Variants in GUCA2B observed in about 807,000 individuals in gnomAD.
GUCA2B encodes guanylate cyclase activator 2B.
In GUCA2B, 7 loss-of-function variants were observed where a neutral mutation model predicts 11.1. The observed-to-expected ratio is 0.63, with a 90% CI of 0.36 to 1.18. The LOEUF is 1.18. GUCA2B is among the 50% of genes most tolerant of loss of function. The pLI is 0.02. For synonymous variants in GUCA2B, 69 were observed against 65.3 expected, an observed-to-expected ratio of 1.06 and a Z score of -0.27; for missense variants, 140 against 142.5, an observed-to-expected ratio of 0.98 and a Z score of 0.09.
intron 1 of GUCA2B, 100 bp downstream of exon 1, chr1:42,153,640 C>G: frequency 1.2e-6 from 1 of 864,466 alleles, no homozygotes; most frequent in South Asian, 1.6e-5. Flanking sequence ...ACCGGGGGAG[C>G]ACGGGGCCCG....
Position 42,154,798 on chromosome 1 carries a change from C to G in GUCA2B, c.209C>G (p.Pro70Arg), listed in dbSNP as rs1171726136. The G allele has an allele frequency of 3.1e-6, 5 of 1,614,148 alleles. No homozygotes were observed. Among genetic ancestry groups the G allele is most frequent in the South Asian group, 2.2e-5 (2 of 91,066 alleles). The change falls in exon 2 of 3, where the codon CCT becomes CGT. Residue 70 changes from proline to arginine, a missense_variant. By Grantham distance (103) the Pro-to-Arg change is moderately radical (BLOSUM62 -2). Transcript: ENST00000372581. ...QSLLPAVCHH[P>R]ALPQDLQPVC... ...CTCCTGCCCGCCGTGTGCCACCACCCTGCTCTGCCTCAGGACCTTCAGCCT... is the reference window on the plus strand; with the variant it reads ...CTCCTGCCCGCCGTGTGCCACCACCGTGCTCTGCCTCAGGACCTTCAGCCT...
At chr1:42,153,641 A>C (rs1298277917) in intron 1 of GUCA2B, 101 bp downstream of exon 1, 2 of 850,166 alleles carry the variant, frequency 2.4e-6, no homozygotes, top group Non-Finnish European at 3.7e-6. Context: ...CCGGGGGAGC[A>C]CGGGGCCCGG....
chr1:42,154,112 C>T (rs894293544), intron 1 of GUCA2B, among the ~76,000 whole-genome samples: 1 of 152,198 alleles, frequency 6.6e-6, no homozygotes, highest in African/African-American at 2.4e-5. Flanking sequence ...CACAGCAGGG[C>T]CTGTCTGCCA....
chr1:42,155,809 G>C lies in GUCA2B; in HGVS notation c.*213G>C, dbSNP rs1646106945. ...TGAGGCAGCCCAGCTCCTGAATAAA[G>C]ATTCTACAACACACGAGTCCACGTG... On this transcript the variant is annotated 3_prime_UTR_variant, in exon 3 of 3. Coordinates refer to ENST00000372581, the MANE Select transcript of GUCA2B (RefSeq NM_007102.3). The C allele has an allele frequency of 1.6e-6, 1 of 609,708 alleles. No individual in the cohort carries two copies. The allele number at this position is 609,708 out of a possible 1,614,324, so 37.8% of individuals were successfully genotyped here.
At position 42,154,424 on chromosome 1, in the gene GUCA2B, C is replaced by T. The variant is rs187646715; in HGVS notation, c.91-256C>T. Among the ~76,000 whole-genome samples the T allele has an allele frequency of 3.5e-4, 54 of 152,322 alleles. 1 individual carries two copies. Among genetic ancestry groups the T allele is most frequent in the African/African-American group, 1.3e-3 (53 of 41,584 alleles). ...GCTGAGTGGGGAACAGACAGGCAGCCGGTCATGGGCAGAGGTGGGATTTGA... is the reference window on the plus strand; with the variant it reads ...GCTGAGTGGGGAACAGACAGGCAGCTGGTCATGGGCAGAGGTGGGATTTGA... On this transcript the variant is annotated intron_variant, in intron 1 of 2. Coordinates refer to ENST00000372581, the MANE Select transcript of GUCA2B (RefSeq NM_007102.3).
intron 1 of GUCA2B, among the ~76,000 whole-genome samples, chr1:42,154,310 C>G (rs1205272809): frequency 6.6e-6 from 1 of 152,210 alleles, no homozygotes; most frequent in Admixed American, 6.5e-5. Context: ...TGCCATCACT[C>G]TGCCATGTGA....
At chr1:42,154,024 G>A (rs1243036206) in intron 1 of GUCA2B, among the ~76,000 whole-genome samples, 1 of 152,254 alleles carries the variant, frequency 6.6e-6, no homozygotes, top group Non-Finnish European at 1.5e-5. Flanking sequence ...AAGGGGCACA[G>A]CATGTGCAAA....
chr1:42,154,936 G>A, intron 2 of GUCA2B, 70 bp downstream of exon 2: 1 of 1,294,836 alleles, frequency 7.7e-7, no homozygotes, highest in Non-Finnish European at 1.1e-6. Context: ...CACCTGGGTT[G>A]TTTCTCTTAA....
chr1:42,154,901 G>T, intron 2 of GUCA2B, 35 bp downstream of exon 2: 1 of 1,535,476 alleles, frequency 6.5e-7, no homozygotes, highest in African/African-American at 1.4e-5. Context: ...ACCTCGCTCT[G>T]TCTCCTCCCA....
chr1:42,155,581 T>C lies in GUCA2B; in HGVS notation c.324T>C (p.Cys108=). The change falls in exon 3 of 3, where the codon TGT becomes TGC. Residue 108 remains cysteine (C), a synonymous_variant. Coordinates refer to ENST00000372581, the MANE Select transcript of GUCA2B (RefSeq NM_007102.3). Reference sequence around the variant, plus strand: ...GTGAGCTGTGTGTGAACGTTGCGTGTACCGGCTGCCTCTGAGATAGCCCTG... The same window carrying C: ...GTGAGCTGTGTGTGAACGTTGCGTGCACCGGCTGCCTCTGAGATAGCCCTG... ...DDCELCVNVA[C]TGCL The C allele has an allele frequency of 6.2e-7, 1 of 1,613,900 alleles. No homozygotes were observed. The highest frequency in any genetic ancestry group is 8.5e-7 in the Non-Finnish European group (1 of 1,179,748).
chr1:42,155,813 C>G lies in GUCA2B; in HGVS notation c.*217C>G. 3.3e-6 allele frequency: 2 copies of G among 604,094 alleles called. No homozygotes were observed. The highest frequency in any genetic ancestry group is 5.9e-6 in the Non-Finnish European group (2 of 336,916). 37.4% of individuals were successfully genotyped at this position (604,094 alleles called of 1,614,324 possible). ...GCAGCCCAGCTCCTGAATAAAGATT[C>G]TACAACACACGAGTCCACGTGTCCT... On this transcript the variant is annotated 3_prime_UTR_variant, in exon 3 of 3. Transcript: ENST00000372581.
At chr1:42,155,485 CCA>C (rs1161938121) in intron 2 of GUCA2B, 48 bp from the exon 3 acceptor site, 6 of 1,458,316 alleles carry the variant, frequency 4.1e-6, no homozygotes, top group Non-Finnish European at 5.8e-6. Context: ...TGCTGCCTGG[CCA>C]CAGAGGGCCC....
intron 2 of GUCA2B, among the ~76,000 whole-genome samples, chr1:42,155,325 A>C (rs1164924798): frequency 6.6e-6 from 1 of 152,190 alleles, no homozygotes; most frequent in Non-Finnish European, 1.5e-5. Context: ...AGCAAACAAG[A>C]AATCTCAGGC....
At chr1:42,155,100 T>C (rs1222081353) in intron 2 of GUCA2B, among the ~76,000 whole-genome samples, 2 of 152,100 alleles carry the variant, frequency 1.3e-5, no homozygotes, top group Non-Finnish European at 2.9e-5. Context: ...CAACAGACAA[T>C]GGCTGCGTGG....
chr1:42,154,324 C>T (rs908524639), intron 1 of GUCA2B, among the ~76,000 whole-genome samples: 6 of 152,190 alleles, frequency 3.9e-5, no homozygotes, highest in Admixed American at 3.9e-4. Flanking sequence ...CATGTGAGCT[C>T]AGGCAGGCGT....
At chr1:42,154,609 TG>T (rs1646099532) in intron 1 of GUCA2B, 70 bp from the exon 2 acceptor site, 1 of 1,292,234 alleles carries the variant, frequency 7.7e-7, no homozygotes, top group South Asian at 1.2e-5. Flanking sequence ...TGAGCAACCC[TG>T]GGTGTCATGG....
chr1:42,155,017 G>A (rs780536059), intron 2 of GUCA2B, 151 bp downstream of exon 2: 68 of 654,898 alleles, frequency 1.0e-4, no homozygotes, highest in Non-Finnish European at 1.6e-4. Flanking sequence ...AGGACTCCCC[G>A]GTTTGGGCAC....
chr1:42,153,992 G>T (rs1039915994), intron 1 of GUCA2B, among the ~76,000 whole-genome samples: 2 of 152,242 alleles, frequency 1.3e-5, no homozygotes. Context: ...AGACACAGAT[G>T]ATGGGGAAAC....
intron 2 of GUCA2B, among the ~76,000 whole-genome samples, chr1:42,155,267 G>A (rs776294323): frequency 2.6e-5 from 4 of 152,212 alleles, no homozygotes; most frequent in Non-Finnish European, 2.9e-5. Context: ...ACTGTGTGCC[G>A]GGACTTGTCG....
Sources: gnomAD v4.1 joint callset for allele counts (sites outside exome capture counted in the v4.1 genomes callset) on GRCh38, gnomAD v4.1.1 for gene constraint, MANE v1.5 for transcripts, NCBI Gene and HGNC (gene_info 2026-07-23, HGNC 2026-07-21) for gene names.